The following DNAH9 variants were observed in gnomAD, a reference collection of about 807,000 sequenced individuals.
DNAH9 encodes the protein DNAH9 variant protein.
In DNAH9, 345 loss-of-function variants were observed where a neutral mutation model predicts 471.6. That is an observed-to-expected ratio of 0.73 (90% CI 0.67 to 0.80). The LOEUF (loss-of-function observed/expected upper bound fraction) is 0.80. Ranked by LOEUF, DNAH9 falls within the 30% of genes least tolerant of loss-of-function variation. The pLI, the probability that DNAH9 is intolerant of heterozygous loss-of-function variation, is 0.00. For missense variants in DNAH9, 5,407 were observed against 5,609.2 expected (o/e 0.96, Z 1.15); for synonymous variants, 2,093 against 2,123.6 (o/e 0.99, Z 0.40).
At chr17:11,934,982 G>T (rs943775403) in intron 65 of DNAH9, among the ~76,000 whole-genome samples, 2 of 152,010 alleles carry the variant, frequency 1.3e-5, no homozygotes, top group Non-Finnish European at 2.9e-5. Flanking sequence ...TTTCTTTTAT[G>T]AGACGGAGTC....
In DNAH9 at chr17:11,881,347, T is replaced by G. The variant is rs1336894856; in HGVS notation, c.10740T>G (p.Asp3580Glu). 6.2e-7 allele frequency: 1 copy of G among 1,614,116 alleles called. No homozygotes were observed. Residue 3580 changes from aspartate (D) to glutamate (E), a missense_variant, in exon 55 of 69, where the codon GAT becomes GAG. By Grantham distance (45) the Asp-to-Glu change is conservative. Coordinates refer to ENST00000262442, the MANE Select transcript of DNAH9 (RefSeq NM_001372.4). ...TGATCAACTTCACCGTGACCAGGGA[T>G]GGCCTGGAGGACCAGTTGCTGGCCG... ...ATLINFTVTR[D>E]GLEDQLLAAV...
rs963924338 is a variant in DNAH9 at position 11,744,975 on chromosome 17, T to C, written c.6290T>C (p.Leu2097Pro). 2 of 1,614,056 alleles carry C rather than the reference T, an allele frequency of 1.2e-6. No homozygotes were observed. Among genetic ancestry groups the C allele is most frequent in the African/African-American group, 1.3e-5 (1 of 74,906 alleles). Residue 2097 changes from leucine (L) to proline (P), a missense_variant, in exon 31 of 69, where the codon CTC becomes CCC. By Grantham distance (98) the Leu-to-Pro change is moderately conservative. This residue lies in a region of DNAH9 where 4,636 missense variants were observed against 4,900.3 expected (regional missense o/e 0.95). Transcript: ENST00000262442. The part of the protein sequence containing the change: ...MPIFMGLIGD[L>P]FPALDVPRRR... ...ATCTTCATGGGCCTGATCGGGGACC[T>C]CTTTCCCGCCCTGGATGTCCCCCGG...
intron 17 of DNAH9, among the ~76,000 whole-genome samples, chr17:11,679,057 A>G (rs1373697290): frequency 1.3e-5 from 2 of 152,042 alleles, no homozygotes; most frequent in African/African-American, 2.4e-5. Context: ...GTTATTGTAT[A>G]ATTTTGCTTG....
In DNAH9 at chr17:11,938,331, C is replaced by T. The variant is rs111429034; in HGVS notation, c.12660+809C>T. 6.6e-3 allele frequency among the ~76,000 whole-genome samples: 1,006 copies of T among 151,836 alleles called. 14 individuals are homozygous for T. Among genetic ancestry groups the T allele is most frequent in the African/African-American group, 0.023 (947 of 41,406 alleles). On this transcript the variant is annotated intron_variant, in intron 66 of 68. Transcript: ENST00000262442. ...AAAATTAGCCGGGTGTGGTGGTGGG[C>T]GCCTGTAATCCCAGCTACTCGGGAG...
chr17:11,620,201 G>C (rs1412551196), intron 6 of DNAH9, among the ~76,000 whole-genome samples: 1 of 151,780 alleles, frequency 6.6e-6, no homozygotes, highest in African/African-American at 2.4e-5. Flanking sequence ...GGCAACAGGA[G>C]CCAGACCTTG....
chr17:11,669,233 C>T lies in DNAH9; in HGVS notation c.2901C>T (p.Ser967=), dbSNP rs2073934627. The change falls in exon 16 of 69, where the codon TCC becomes TCT. Residue 967 remains serine, a synonymous_variant. Coordinates refer to ENST00000262442, the MANE Select transcript of DNAH9 (RefSeq NM_001372.4). ...FRIPSLVPRL[S]PQNGSPHYQV... ...TACCATCTCTGGTGCCACGGCTTTC[C>T]CCACAAAATGGCTCTCCTCACTATC... The T allele has an allele frequency of 1.9e-6, 3 of 1,613,792 alleles. No homozygotes were observed. The highest frequency in any genetic ancestry group is 1.7e-5 in the Admixed American group (1 of 59,978).
intron 48 of DNAH9, among the ~76,000 whole-genome samples, chr17:11,824,770 T>C (rs1327861513): frequency 6.6e-5 from 10 of 152,198 alleles, no homozygotes; most frequent in Admixed American, 6.5e-4. Flanking sequence ...GGCCTGTTTT[T>C]CTGCTACAGT....
At chr17:11,806,655 A>G (rs1202828579) in intron 43 of DNAH9, among the ~76,000 whole-genome samples, 1 of 82,262 alleles carries the variant, frequency 1.2e-5, no homozygotes, top group Non-Finnish European at 2.4e-5. Flanking sequence ...CTTTTCAGGT[A>G]CAAACAATGT....
intron 6 of DNAH9, among the ~76,000 whole-genome samples, chr17:11,625,937 C>G (rs1418035075): frequency 6.6e-6 from 1 of 152,198 alleles, no homozygotes; most frequent in East Asian, 1.9e-4. Flanking sequence ...TACAGGGAAC[C>G]TTCCATAAAC....
intron 24 of DNAH9, among the ~76,000 whole-genome samples, chr17:11,703,607 C>T (rs2074642633): frequency 6.6e-6 from 1 of 152,102 alleles, no homozygotes; most frequent in African/African-American, 2.4e-5. Context: ...ATTGCTTTTT[C>T]TATTTATTTA....
intron 17 of DNAH9, among the ~76,000 whole-genome samples, chr17:11,673,031 G>T (rs547407120): frequency 1.2e-4 from 19 of 152,134 alleles, no homozygotes; most frequent in African/African-American, 4.6e-4. Flanking sequence ...AACCCTGACT[G>T]TTTAAACTCA....
chr17:11,896,647 G>T (rs1234634385), intron 59 of DNAH9, among the ~76,000 whole-genome samples: 2 of 152,150 alleles, frequency 1.3e-5, no homozygotes, highest in Non-Finnish European at 2.9e-5. Context: ...TTAAATAAAT[G>T]CAGAGAAGTG....
At chr17:11,683,154 A>ATAAAAATAAAG (rs1228716101) in intron 19 of DNAH9, among the ~76,000 whole-genome samples, 2 of 152,146 alleles carry the variant, frequency 1.3e-5, no homozygotes, top group African/African-American at 4.8e-5. Flanking sequence ...TTTTTGCACC[A>ATAAAAATAAAG]ACAGTCTCTC....
At chr17:11,628,325 G>A (rs1418035562) in intron 6 of DNAH9, among the ~76,000 whole-genome samples, 1 of 152,198 alleles carries the variant, frequency 6.6e-6, no homozygotes, top group Non-Finnish European at 1.5e-5. Context: ...AGGCTTCTGG[G>A]TTGCGCCGTC....
chr17:11,665,051 A>C, intron 15 of DNAH9, 83 bp downstream of exon 15: 1 of 1,273,784 alleles, frequency 7.9e-7, no homozygotes, highest in Non-Finnish European at 1.1e-6. Context: ...AGAGCAGCTG[A>C]GTGCTCTGTG....
chr17:11,888,039 G>C (rs1397948361), intron 57 of DNAH9, among the ~76,000 whole-genome samples: 1 of 151,178 alleles, frequency 6.6e-6, no homozygotes, highest in Non-Finnish European at 1.5e-5. Flanking sequence ...CTGGAGTGCA[G>C]AGGCGCGATC....
At chr17:11,886,797 A>AG (rs775426975) in intron 56 of DNAH9, 28 bp from the exon 57 acceptor site, 1 of 1,594,972 alleles carries the variant, frequency 6.3e-7, no homozygotes, top group Admixed American at 1.7e-5. Context: ...TGGTTGGAAC[A>AG]GTGGGCTGCT....
At chr17:11,888,649 G>A (rs545710679) in intron 57 of DNAH9, among the ~76,000 whole-genome samples, 1 of 152,322 alleles carries the variant, frequency 6.6e-6, no homozygotes, top group South Asian at 2.1e-4. Context: ...TGCAAAAACA[G>A]CTGTTCATTG....
Position 11,784,329 on chromosome 17 carries a change from C to G in DNAH9, c.7851C>G (p.Phe2617Leu), listed in dbSNP as rs55776624. 4.3e-6 allele frequency: 7 copies of G among 1,614,194 alleles called. No individual in the cohort carries two copies. The South Asian group carries it at 7.7e-5, about 18-fold the overall frequency. The stretch of plus-strand genomic sequence containing the variant: ...ACTTCAGCGTGTTTGTCCTCTCCTT[C>G]CCGGGGGCAGATGCCCTGTCCTCTA... ...QRHFSVFVLSFPGADALSSIY... is the reference protein window; with the variant it reads ...QRHFSVFVLSLPGADALSSIY... Residue 2617 changes from phenylalanine to leucine, a missense_variant, in exon 41 of 69, where the codon TTC becomes TTG. Phe to Leu is a conservative substitution (Grantham distance 22). Transcript: ENST00000262442.
Sources: allele counts gnomAD v4.1 joint callset (sites outside exome capture counted in the v4.1 genomes callset), GRCh38; gene constraint gnomAD v4.1.1; regional missense constraint gnomAD v4.1.1; transcripts MANE v1.5; gene names NCBI Gene and HGNC (gene_info 2026-07-23, HGNC 2026-07-21).